DMXL2: variants seen among roughly 807,000 people sequenced by gnomAD.
DMXL2 encodes the protein Dmx like 2, also known as dmX-like protein 2.
A neutral mutation model predicts 331.1 loss-of-function variants in DMXL2; 103 were observed. That is an observed-to-expected ratio of 0.31 (90% confidence interval 0.27 to 0.37). DMXL2 has a LOEUF of 0.37. Ranked by LOEUF, DMXL2 falls within the 10% of genes least tolerant of loss-of-function variation. The pLI, the probability that DMXL2 is intolerant of heterozygous loss-of-function variation, is 1.00. For missense variants in DMXL2, 3,171 were observed against 3,642.9 expected (o/e 0.87, Z 3.33); for synonymous variants, 1,281 against 1,252.1 (o/e 1.02, Z -0.49).
intron 1 of DMXL2, among the ~76,000 whole-genome samples, chr15:51,609,407 C>T (rs562049776): frequency 1.3e-5 from 2 of 152,288 alleles, no homozygotes; most frequent in South Asian, 2.1e-4. Context: ...TAACATTCTA[C>T]AACGGACCCG....
intron 1 of DMXL2, among the ~76,000 whole-genome samples, chr15:51,598,309 A>G (rs1047587983): frequency 1.3e-5 from 2 of 152,198 alleles, no homozygotes; most frequent in Non-Finnish European, 2.9e-5. Context: ...CTCTGTATAC[A>G]TACATATATT....
At chr15:51,467,369 A>C (rs781604710) in intron 29 of DMXL2, among the ~76,000 whole-genome samples, 1 of 152,164 alleles carries the variant, frequency 6.6e-6, no homozygotes, top group Non-Finnish European at 1.5e-5. Context: ...AAAGCAAATA[A>C]ACTAGAAAAA....
intron 1 of DMXL2, among the ~76,000 whole-genome samples, chr15:51,613,890 G>T (rs1227214632): frequency 6.6e-6 from 1 of 152,116 alleles, no homozygotes; most frequent in Non-Finnish European, 1.5e-5. Context: ...CACCAAGTAG[G>T]GTGGCCACCT....
intron 1 of DMXL2, among the ~76,000 whole-genome samples, chr15:51,604,283 A>AAC (rs2053428404): frequency 6.6e-6 from 1 of 151,394 alleles, no homozygotes; most frequent in Admixed American, 6.6e-5. Flanking sequence ...ATAAAAAAAA[A>AAC]ACCTAGTACT....
intron 1 of DMXL2, among the ~76,000 whole-genome samples, chr15:51,585,896 C>A (rs80010105): frequency 0.018 from 2,729 of 152,126 alleles, 30 homozygotes; most frequent in Non-Finnish European, 0.028. Context: ...ACAAACAAAC[C>A]CTTACCATTA....
chr15:51,482,127 C>A (rs1363517331), intron 23 of DMXL2, among the ~76,000 whole-genome samples: 1 of 152,058 alleles, frequency 6.6e-6, no homozygotes, highest in African/African-American at 2.4e-5. Flanking sequence ...CAAATCTAAA[C>A]CACAATTCAC....
chr15:51,478,229 G>C (rs1221954704), intron 26 of DMXL2, 42 bp downstream of exon 26: 1 of 1,514,530 alleles, frequency 6.6e-7, no homozygotes, highest in East Asian at 2.3e-5. Context: ...ACAGTTTAAT[G>C]TTTTTGCTGT....
At chr15:51,589,540 T>C (rs753213920) in intron 1 of DMXL2, among the ~76,000 whole-genome samples, 10 of 152,130 alleles carry the variant, frequency 6.6e-5, no homozygotes, top group Non-Finnish European at 1.3e-4. Flanking sequence ...GATTTGGCCA[T>C]GAAATTAGGG....
chr15:51,502,164 T>C (rs1430763472), intron 17 of DMXL2, among the ~76,000 whole-genome samples: 1 of 133,142 alleles, frequency 7.5e-6, no homozygotes, highest in Admixed American at 8.2e-5. Context: ...ACCCGGGAGG[T>C]GGAGCTTGAA....
At chr15:51,490,900 T>C (rs1274520429) in intron 20 of DMXL2, among the ~76,000 whole-genome samples, 7 of 152,214 alleles carry the variant, frequency 4.6e-5, no homozygotes, top group African/African-American at 1.7e-4. Context: ...ATTCAACTAG[T>C]GATGCAGAGA....
chr15:51,528,854 G>A (rs1262657998), intron 13 of DMXL2, among the ~76,000 whole-genome samples: 3 of 152,096 alleles, frequency 2.0e-5, no homozygotes, highest in South Asian at 2.1e-4. Context: ...CAGACCATAC[G>A]TTAGGTCACA....
At chr15:51,547,538 TTA>T in intron 6 of DMXL2, 130 bp from the exon 7 acceptor site, 1 of 524,536 alleles carries the variant, frequency 1.9e-6, no homozygotes, top group Non-Finnish European at 3.1e-6. Flanking sequence ...AATACAAAAC[TTA>T]TCTCAAAATT....
At chr15:51,486,386 G>A in intron 22 of DMXL2, 49 bp from the exon 23 acceptor site, 1 of 1,360,400 alleles carries the variant, frequency 7.4e-7, no homozygotes, top group Non-Finnish European at 1.0e-6. Context: ...TAATTATTTA[G>A]AGAGATGAAA....
intron 34 of DMXL2, chr15:51,459,183 G>A (rs541462836): frequency 2.6e-5 from 5 of 192,444 alleles, no homozygotes; most frequent in South Asian, 1.1e-4. Context: ...ATAGAAAACC[G>A]CAAAGAAACC....
intron 43 of DMXL2, among the ~76,000 whole-genome samples, chr15:51,449,773 AACGTC>A (rs2038972777): frequency 6.6e-6 from 1 of 152,180 alleles, no homozygotes; most frequent in South Asian, 2.1e-4. Context: ...ACTTACTGGA[AACGTC>A]ACCTCCACCA....
rs367602165 is a variant in DMXL2 at position 51,622,556 on chromosome 15, C to A, written c.-11G>T. ...CTGATGCAGATGCATCTCCGGAGCCCGGGCTGGACAGAATGCGCGGGAGGT... is the reference window on the plus strand; with the variant it reads ...CTGATGCAGATGCATCTCCGGAGCCAGGGCTGGACAGAATGCGCGGGAGGT... On this transcript the variant is annotated 5_prime_UTR_variant, in exon 1 of 44. Transcript: ENST00000560891. 3.2e-6 allele frequency: 5 copies of A among 1,547,186 alleles called. No individual in the cohort carries two copies. The African/African-American group carries it at 6.9e-5, about 21-fold the overall frequency.
At position 51,480,681 on chromosome 15, in the gene DMXL2, T is replaced by G; in HGVS notation, c.6425A>C (p.Glu2142Ala). ...RRLQAKREHAERRKSWLQKNQ... is the reference protein window; with the variant it reads ...RRLQAKREHAARRKSWLQKNQ... ...TTTCTGCAACCACGACTTTCGTCTT[T>G]CTGCATGCTCTCGTTTGGCCTGCAA... The change falls in exon 24 of 44, where the codon GAA (glutamate) becomes GCA (alanine). Residue 2142 changes from glutamate (E) to alanine (A), a missense_variant. This residue lies in a region of DMXL2 where 197 missense variants were observed against 196.2 expected (regional missense o/e 1.00). Coordinates refer to ENST00000560891, the MANE Select transcript of DMXL2 (RefSeq NM_001378457.1). 1 of 1,612,808 alleles carries G rather than the reference T, an allele frequency of 6.2e-7. No individual in the cohort carries two copies. The highest frequency in any genetic ancestry group is 1.1e-5 in the South Asian group (1 of 90,996).
intron 9 of DMXL2, among the ~76,000 whole-genome samples, chr15:51,539,174 C>T (rs1297684010): frequency 1.3e-5 from 2 of 151,204 alleles, no homozygotes; most frequent in Admixed American, 6.6e-5. Flanking sequence ...CACTCCACTG[C>T]ACTCCAGCCT....
At chr15:51,612,537 G>GC (rs907486272) in intron 1 of DMXL2, among the ~76,000 whole-genome samples, 30 of 152,096 alleles carry the variant, frequency 2.0e-4, no homozygotes, top group African/African-American at 7.0e-4. Flanking sequence ...GTTCCGTGAT[G>GC]CCCCCCAAGC....
Sources: gnomAD v4.1 joint callset for allele counts (sites outside exome capture counted in the v4.1 genomes callset) on GRCh38, gnomAD v4.1.1 for gene constraint, gnomAD v4.1.1 regional missense constraint, MANE v1.5 for transcripts, NCBI Gene and HGNC (gene_info 2026-07-23, HGNC 2026-07-21) for gene names.